The following FGFRL1 variants were observed in gnomAD, a reference collection of about 807,000 sequenced individuals.
FGFRL1 encodes the protein fibroblast growth factor receptor like 1.
In FGFRL1, 24 loss-of-function variants were observed where a neutral mutation model predicts 36.8. The ratio of observed to expected loss-of-function variants is 0.65; its 90% CI spans 0.47 to 0.92. The LOEUF is 0.92. Ranked by LOEUF, FGFRL1 falls within the 40% of genes least tolerant of loss-of-function variation. FGFRL1 has a pLI of 0.00. For missense variants in FGFRL1, 785 were observed against 753.4 expected (o/e 1.04, Z -0.49); for synonymous variants, 422 against 344.1 (o/e 1.23, Z -2.50).
intron 2 of FGFRL1, among the ~76,000 whole-genome samples, chr4:1,013,378 C>T (rs907259714): frequency 2.0e-5 from 3 of 152,260 alleles, no homozygotes; most frequent in African/African-American, 4.8e-5. Flanking sequence ...GTGTTGACCA[C>T]TCAGGATTGT....
chr4:1,012,411 C>T lies in FGFRL1; in HGVS notation c.-16-59C>T, dbSNP rs534845527. The T allele has an allele frequency of 1.2e-4, 192 of 1,558,010 alleles. No individual in the cohort carries two copies. The African/African-American group carries it at 2.2e-3, about 18-fold the overall frequency. On this transcript the variant is annotated intron_variant, in intron 1 of 6. Transcript: ENST00000510644. ...ACCCCTGATCCCCGCGGCCCGGGAC[C>T]GGGGAGGGCGGTATCTCCCAGTTCC...
intron 2 of FGFRL1, among the ~76,000 whole-genome samples, chr4:1,017,149 G>T (rs1715930449): frequency 6.6e-6 from 1 of 152,136 alleles, no homozygotes; most frequent in African/African-American, 2.4e-5. Flanking sequence ...GCTTCTCCAG[G>T]AGGACTTGGG....
At chr4:1,019,592 C>T (rs1433996460) in intron 2 of FGFRL1, among the ~76,000 whole-genome samples, 1 of 152,184 alleles carries the variant, frequency 6.6e-6, no homozygotes, top group Admixed American at 6.5e-5. Flanking sequence ...GGCCCTGCAG[C>T]CGCTTCCTCC....
rs1454451648 is a variant in FGFRL1, at chr4:1,026,409, C to G, written c.*1062C>G. ...AGGGACTTTCCCTGCTCCACCGTCA[C>G]TCCCCCAACTCTGCCCGCCTCTGTC... On this transcript the variant is annotated 3_prime_UTR_variant, in exon 7 of 7. Coordinates refer to ENST00000510644, the MANE Select transcript of FGFRL1 (RefSeq NM_001004356.3). The G allele has an allele frequency of 1.3e-5, 2 of 159,096 alleles. No homozygotes were observed. The highest frequency in any genetic ancestry group is 6.5e-5 in the Admixed American group (1 of 15,390). 9.9% of individuals were successfully genotyped at this position (159,096 alleles called of 1,614,324 possible). A position where few individuals can be genotyped will look rare whatever the true frequency, so the allele number is the denominator to read the frequency against.
intron 2 of FGFRL1, among the ~76,000 whole-genome samples, chr4:1,019,442 G>A (rs1383124609): frequency 1.3e-5 from 2 of 152,344 alleles, no homozygotes; most frequent in East Asian, 3.9e-4. Context: ...CTGGCCAGGG[G>A]CCTTGGCCAC....
chr4:1,021,239 T>C (rs1240807577), intron 2 of FGFRL1, among the ~76,000 whole-genome samples: 1 of 151,816 alleles, frequency 6.6e-6, no homozygotes, highest in East Asian at 1.9e-4. Flanking sequence ...GGTGGGTTCC[T>C]TTCTGCCAGG....
At chr4:1,017,794 G>A (rs1715971066) in intron 2 of FGFRL1, among the ~76,000 whole-genome samples, 2 of 152,332 alleles carry the variant, frequency 1.3e-5, no homozygotes, top group East Asian at 3.9e-4. Flanking sequence ...CCCTGTAGGA[G>A]CCAGGCCCCA....
Position 1,023,600 on chromosome 4 carries a change from C to T in FGFRL1, c.353-41C>T, listed in dbSNP as rs769402770. The T allele has an allele frequency of 3.9e-6, 6 of 1,544,628 alleles. No individual in the cohort carries two copies. The highest frequency in any genetic ancestry group is 5.3e-6 in the Non-Finnish European group (6 of 1,140,276). On this transcript the variant is annotated intron_variant, in intron 3 of 6. Transcript: ENST00000510644. This position sits in a 1 kb window ranked among gnomAD's most constrained non-coding sequence, Gnocchi z 6.0. ...GGAGTTGGGGGAGCTCCTCAGGGCC[C>T]CCCTCACCTGCCCTCCCTGTGCACC...
intron 2 of FGFRL1, among the ~76,000 whole-genome samples, chr4:1,019,839 C>T (rs533104186): frequency 6.6e-6 from 1 of 152,314 alleles, no homozygotes; most frequent in Non-Finnish European, 1.5e-5. Context: ...CTCAGAGAGG[C>T]CAAGGACTGG....
At chr4:1,013,247 A>G (rs1715705031) in intron 2 of FGFRL1, among the ~76,000 whole-genome samples, 1 of 152,240 alleles carries the variant, frequency 6.6e-6, no homozygotes, top group Non-Finnish European at 1.5e-5. Flanking sequence ...CAGCAAGGAC[A>G]TCCGGAGCCG....
rs983568462 is a variant in FGFRL1, at chr4:1,025,300, TCA to T, written c.1472_1473del (p.His491ArgfsTer60). 2 of 1,569,576 alleles carry T rather than the reference TCA, an allele frequency of 1.3e-6. No individual in the cohort carries two copies. The highest frequency in any genetic ancestry group is 2.4e-5 in the East Asian group (1 of 42,468). On this transcript the variant is annotated frameshift_variant, in exon 7 of 7. Transcript: ENST00000510644. LOFTEE classifies it high-confidence loss of function. ...THTHTHSHTH[S>X]HVEGKVHQHI... Reference sequence around the variant, plus strand: ...CACACACACACACTCTCACACACACTCACACGTGGAGGGCAAGGTCCACCAGC... The same window carrying T: ...CACACACACACACTCTCACACACACTCACGTGGAGGGCAAGGTCCACCAGC...
At chr4:1,022,149 C>CAAAGAGCTTG (rs757979585) in intron 2 of FGFRL1, 54 bp from the exon 3 acceptor site, 137 of 1,399,762 alleles carry the variant, frequency 9.8e-5, no homozygotes, top group Non-Finnish European at 1.2e-4. Context: ...ACCGCCCCCC[C>CAAAGAGCTTG]GGCTCCGGAC....
Position 1,024,423 on chromosome 4 carries a change from G to A in FGFRL1, c.831G>A (p.Val277=). 6.2e-7 allele frequency: 1 copy of A among 1,612,632 alleles called. No homozygotes were observed. Among genetic ancestry groups the A allele is most frequent in the African/African-American group, 1.3e-5 (1 of 75,052 alleles). Residue 277 remains valine (V), a synonymous_variant, in exon 6 of 7, where the codon GTG becomes GTA. Transcript: ENST00000510644. The stretch of plus-strand genomic sequence containing the variant: ...AGGTGCGCAGCGACGTGAAGCCGGT[G>A]ATCCAGTGGCTGAAGCGCGTGGAGT... ...QCKVRSDVKP[V]IQWLKRVEYG... is the part of the protein sequence containing the mutation.
In FGFRL1 at chr4:1,012,473, C is replaced by A. The variant is rs778383576; in HGVS notation, c.-13C>A. 1 of 1,576,152 alleles carries A rather than the reference C, an allele frequency of 6.3e-7. No individual in the cohort carries two copies. The highest frequency in any genetic ancestry group is 1.1e-5 in the South Asian group (1 of 87,994). ...ACGGCGCCCCCAATGTCCCCAGGTC[C>A]GGACAGGCCGAGATGACGCCGAGCC... On this transcript the variant is annotated 5_prime_UTR_variant, in exon 2 of 7. Transcript: ENST00000510644.
In FGFRL1 at chr4:1,025,205, A is replaced by T; in HGVS notation, c.1373A>T (p.His458Leu). 6.2e-7 allele frequency: 1 copy of T among 1,610,618 alleles called. No homozygotes were observed. The highest frequency in any genetic ancestry group is 1.7e-5 in the Admixed American group (1 of 59,718). The change falls in exon 7 of 7, where the codon CAC (histidine) becomes CTC (leucine). Residue 458 changes from histidine to leucine, a missense_variant. His to Leu is a moderately conservative substitution (Grantham distance 99). Coordinates refer to ENST00000510644, the MANE Select transcript of FGFRL1 (RefSeq NM_001004356.3). Reference sequence around the variant, plus strand: ...CATGGGTCTCCGGCAGCCCCCCAGCACTTACTGGGCCCAGGCCCAGTTGCT... The same window carrying T: ...CATGGGTCTCCGGCAGCCCCCCAGCTCTTACTGGGCCCAGGCCCAGTTGCT... ...EEHGSPAAPQ[H>L]LLGPGPVAGP...
intron 2 of FGFRL1, among the ~76,000 whole-genome samples, chr4:1,014,640 G>A (rs1350185993): frequency 6.6e-6 from 1 of 152,218 alleles, no homozygotes; most frequent in Non-Finnish European, 1.5e-5. Flanking sequence ...TGTGATTCGG[G>A]GAAGCAATAG....
chr4:1,025,465 C>G lies in FGFRL1; in HGVS notation c.*118C>G. 7.9e-7 allele frequency: 1 copy of G among 1,261,000 alleles called. No homozygotes were observed. Among genetic ancestry groups the G allele is most frequent in the Non-Finnish European group, 1.1e-6 (1 of 915,402 alleles). 78.1% of individuals were successfully genotyped at this position (1,261,000 alleles called of 1,614,324 possible). On this transcript the variant is annotated 3_prime_UTR_variant, in exon 7 of 7. Transcript: ENST00000510644. ...CATGGCGAGGAGGAATGGCCAGCACCCCAGGCAGTCTGTGTGTGAGGCATA... is the reference window on the plus strand; with the variant it reads ...CATGGCGAGGAGGAATGGCCAGCACGCCAGGCAGTCTGTGTGTGAGGCATA...
At chr4:1,017,780 T>C (rs988872686) in intron 2 of FGFRL1, among the ~76,000 whole-genome samples, 1 of 152,134 alleles carries the variant, frequency 6.6e-6, no homozygotes, top group African/African-American at 2.4e-5. Flanking sequence ...ACCCCCTCCT[T>C]GCTCCCTGTA....
rs1256729812 is a variant in FGFRL1 at position 1,023,559 on chromosome 4, A to G, written c.353-82A>G. 3.1e-6 allele frequency: 4 copies of G among 1,289,652 alleles called. No homozygotes were observed. In the African/African-American group the frequency reaches 4.4e-5, roughly 14 times the overall value. 79.9% of individuals were successfully genotyped at this position (1,289,652 alleles called of 1,614,324 possible). On this transcript the variant is annotated intron_variant, in intron 3 of 6. Coordinates refer to ENST00000510644, the MANE Select transcript of FGFRL1 (RefSeq NM_001004356.3). The surrounding 1 kb of genome is among the most constrained non-coding windows in gnomAD (Gnocchi z 6.0). Reference sequence around the variant, plus strand: ...GGGCTGTCCCGGCTGGGGCTGGGGGAGCTAGAGGCCACGGGGGAGTTGGGG... The same window carrying G: ...GGGCTGTCCCGGCTGGGGCTGGGGGGGCTAGAGGCCACGGGGGAGTTGGGG...
Sources: gnomAD v4.1 joint callset for allele counts (sites outside exome capture counted in the v4.1 genomes callset) on GRCh38, gnomAD v4.1.1 for gene constraint, Gnocchi (gnomAD v3.1) non-coding constraint, MANE v1.5 for transcripts, NCBI Gene and HGNC (gene_info 2026-07-23, HGNC 2026-07-21) for gene names.